The following MSANTD3 variants were observed in gnomAD, a reference collection of about 807,000 sequenced individuals.
MSANTD3 encodes the protein myb/SANT-like DNA-binding domain-containing protein 3.
In MSANTD3, 11 loss-of-function variants were observed where a neutral mutation model predicts 27.7. The observed-to-expected ratio is 0.40, with a 90% CI of 0.25 to 0.66. MSANTD3 has a LOEUF of 0.66. Among genes scored for constraint, MSANTD3 ranks in the 30% least tolerant of loss-of-function variants. The pLI is 0.41. For missense variants in MSANTD3, 250 were observed against 336.5 expected (o/e 0.74, Z 2.01); for synonymous variants, 131 against 127.2 (o/e 1.03, Z -0.20).
chr9:100,435,118 A>G (rs1258333637), intron 1 of MSANTD3, among the ~76,000 whole-genome samples: 1 of 152,308 alleles, frequency 6.6e-6, no homozygotes, highest in East Asian at 1.9e-4. Context: ...ACTTTTGCGC[A>G]GAGGGAATGA....
intron 2 of MSANTD3, among the ~76,000 whole-genome samples, chr9:100,449,804 CTG>C (rs1293305410): frequency 6.6e-6 from 1 of 152,034 alleles, no homozygotes; most frequent in Non-Finnish European, 1.5e-5. Flanking sequence ...GCAAGAGTCT[CTG>C]TAAATCAAGA....
intron 1 of MSANTD3, among the ~76,000 whole-genome samples, chr9:100,437,002 G>A (rs113016362): frequency 0.14 from 21,544 of 152,022 alleles, 1,767 homozygotes; most frequent in Middle Eastern, 0.2. Flanking sequence ...ATGGGGTTTC[G>A]CCTTATTGGC....
chr9:100,436,695 C>A (rs1441469746), intron 1 of MSANTD3, among the ~76,000 whole-genome samples: 1 of 152,146 alleles, frequency 6.6e-6, no homozygotes, highest in African/African-American at 2.4e-5. Flanking sequence ...ATAAGCTTTG[C>A]TGGAGAGACC....
In MSANTD3 at chr9:100,451,234, A is replaced by T. The variant is rs1167133217; in HGVS notation, c.*268A>T. The T allele has an allele frequency of 8.7e-6, 3 of 345,602 alleles. No homozygotes were observed. In the East Asian group the frequency reaches 1.3e-4, roughly 15 times the overall value. The allele number at this position is 345,602 out of a possible 1,614,324, so 21.4% of individuals were successfully genotyped here. A position where few individuals can be genotyped will look rare whatever the true frequency, so the allele number is the denominator to read the frequency against. On this transcript the variant is annotated 3_prime_UTR_variant, in exon 3 of 3. Transcript: ENST00000395067. ...CTTAATTAGAATTCATACAAGAACC[A>T]CGTGTGAGTGTTGTTGTTGTTGTTT...
chr9:100,439,766 G>A (rs1442816881), intron 1 of MSANTD3, among the ~76,000 whole-genome samples: 9 of 150,932 alleles, frequency 6.0e-5, no homozygotes, highest in South Asian at 4.2e-4. Context: ...TGATCCGCCC[G>A]CCTCAGCCTC....
intron 1 of MSANTD3, among the ~76,000 whole-genome samples, chr9:100,439,655 G>A (rs1003871466): frequency 3.3e-5 from 5 of 151,238 alleles, no homozygotes; most frequent in Admixed American, 1.3e-4. Context: ...GACTACAGGC[G>A]TCTGCCACCA....
Position 100,442,218 on chromosome 9 carries a change from A to G in MSANTD3, c.280A>G (p.Lys94Glu). ...IMAHERREKV[K>E]RSVSPLLSTH... is the part of the protein sequence containing the mutation. ...GGCCCATGAAAGGAGAGAGAAAGTG[A>G]AACGGAGCGTCAGCCCTCTCCTGAG... Residue 94 changes from lysine to glutamate, a missense_variant, in exon 2 of 3, where the codon AAA becomes GAA. Coordinates refer to ENST00000395067, the MANE Select transcript of MSANTD3 (RefSeq NM_080655.3). The G allele has an allele frequency of 6.2e-7, 1 of 1,614,138 alleles. No individual in the cohort carries two copies. Among genetic ancestry groups the G allele is most frequent in the Non-Finnish European group, 8.5e-7 (1 of 1,180,020 alleles).
In MSANTD3 at chr9:100,450,876, AAAG is replaced by A. The variant is rs747551893; in HGVS notation, c.743_745del (p.Lys248del). 1.9e-6 allele frequency: 3 copies of A among 1,614,022 alleles called. No individual in the cohort carries two copies. Among genetic ancestry groups the A allele is most frequent in the South Asian group, 1.1e-5 (1 of 91,054 alleles). ...GGATAAAAATGGAAGTTCTCAATAA[AAAG>A]AAGATGTATTGGGAAAGAAAACTAC... On this transcript the variant is annotated inframe_deletion, in exon 3 of 3. Coordinates refer to ENST00000395067, the MANE Select transcript of MSANTD3 (RefSeq NM_080655.3).
intron 1 of MSANTD3, among the ~76,000 whole-genome samples, chr9:100,433,774 G>T (rs1414782751): frequency 1.3e-5 from 2 of 152,076 alleles, no homozygotes; most frequent in Non-Finnish European, 2.9e-5. Flanking sequence ...TAGAGCAAAC[G>T]GATTGCCCAT....
intron 2 of MSANTD3, among the ~76,000 whole-genome samples, chr9:100,446,797 AGACTGGGTGACAGAGCCAGACTTC>A: frequency 6.6e-6 from 1 of 151,690 alleles, no homozygotes; most frequent in East Asian, 1.9e-4. Flanking sequence ...ACTGCACTCC[AGACTGGGTGACAGAGCCAGACTTC>A]GTCTAAAAAA....
At chr9:100,428,040 A>T (rs1836284309) in intron 1 of MSANTD3, among the ~76,000 whole-genome samples, 1 of 152,170 alleles carries the variant, frequency 6.6e-6, no homozygotes, top group African/African-American at 2.4e-5. Flanking sequence ...CTCTGTATGT[A>T]CCAGGCCCTA....
intron 2 of MSANTD3, among the ~76,000 whole-genome samples, chr9:100,447,574 A>G (rs1836784434): frequency 6.6e-6 from 1 of 152,200 alleles, no homozygotes. Context: ...TGGAGGCTAC[A>G]TTTTAAGATA....
intron 2 of MSANTD3, chr9:100,444,508 C>CA (rs1836706801): frequency 6.6e-6 from 1 of 152,498 alleles, no homozygotes; most frequent in Admixed American, 6.5e-5. Context: ...GCTTCAGAGC[C>CA]ATTCAGCTTC....
At chr9:100,437,111 TAC>T (rs747633525) in intron 1 of MSANTD3, among the ~76,000 whole-genome samples, 10 of 152,116 alleles carry the variant, frequency 6.6e-5, no homozygotes, top group Non-Finnish European at 1.3e-4. Context: ...GGCCCAAACA[TAC>T]AGTCTTACTG....
At chr9:100,445,021 C>A in intron 2 of MSANTD3, 2 of 594,128 alleles carry the variant, frequency 3.4e-6, no homozygotes, top group Non-Finnish European at 6.1e-6. Context: ...TGTCCAGGTC[C>A]CATCTGGAGG....
intron 2 of MSANTD3, among the ~76,000 whole-genome samples, chr9:100,443,438 G>A (rs929783773): frequency 6.6e-6 from 1 of 151,462 alleles, no homozygotes; most frequent in African/African-American, 2.4e-5. Flanking sequence ...TTTAAAAAAA[G>A]TGCAAAGAAT....
At position 100,435,597 on chromosome 9, in the gene MSANTD3, G is replaced by A. The variant is rs557038673; in HGVS notation, c.-33-6309G>A. Among the ~76,000 whole-genome samples, 4 of 152,322 alleles carry A rather than the reference G, an allele frequency of 2.6e-5. No individual in the cohort carries two copies. The East Asian group carries it at 5.8e-4, about 22-fold the overall frequency. On this transcript the variant is annotated intron_variant, in intron 1 of 2. Coordinates refer to ENST00000395067, the MANE Select transcript of MSANTD3 (RefSeq NM_080655.3). ...AGAGGCTGAGAAGGCCAAGATCAAG[G>A]TGTTGGCAAGTTAGATTTCATCCTG...
chr9:100,430,788 T>G (rs1836359353), intron 1 of MSANTD3, among the ~76,000 whole-genome samples: 1 of 152,210 alleles, frequency 6.6e-6, no homozygotes, highest in Admixed American at 6.5e-5. Flanking sequence ...GCCAAGTTGA[T>G]GTGGCTGACA....
At chr9:100,440,210 G>A (rs16919107) in intron 1 of MSANTD3, among the ~76,000 whole-genome samples, 1,677 of 152,240 alleles carry the variant, frequency 0.011, 30 homozygotes, top group African/African-American at 0.038. Flanking sequence ...AATCATGGTT[G>A]AATCATTTGG....
Sources: gnomAD v4.1 joint callset for allele counts (sites outside exome capture counted in the v4.1 genomes callset) on GRCh38, gnomAD v4.1.1 for gene constraint, MANE v1.5 for transcripts, NCBI Gene and HGNC (gene_info 2026-07-23, HGNC 2026-07-21) for gene names.